Variants in FSTL5 observed in about 807,000 individuals in gnomAD.
The protein encoded by FSTL5 is follistatin like 5, also known as follistatin-related protein 5.
A neutral mutation model predicts 89.1 loss-of-function variants in FSTL5; 62 were observed. The observed-to-expected ratio is 0.70, with a 90% CI of 0.57 to 0.86. The LOEUF (loss-of-function observed/expected upper bound fraction) is 0.86, where lower values mean the gene tolerates loss of function less well. Among genes scored for constraint, FSTL5 ranks in the 40% least tolerant of loss-of-function variants. The probability of loss-of-function intolerance (pLI) is 0.00; values close to 1 mark genes in which losing one functional copy is unlikely to be tolerated. For missense variants in FSTL5, 1,057 were observed against 1,001.6 expected, an observed-to-expected ratio of 1.06 and a Z score of -0.75; for synonymous variants, 383 against 346.2, an observed-to-expected ratio of 1.11 and a Z score of -1.18.
intron 6 of FSTL5, among the ~76,000 whole-genome samples, chr4:161,659,556 G>A (rs1461648694): frequency 6.6e-6 from 1 of 152,056 alleles, no homozygotes; most frequent in Non-Finnish European, 1.5e-5. Context: ...TCAATGTTGA[G>A]TGAAATGCTT....
At chr4:161,710,954 G>A (rs1305031991) in intron 6 of FSTL5, among the ~76,000 whole-genome samples, 3 of 151,624 alleles carry the variant, frequency 2.0e-5, no homozygotes, top group Admixed American at 6.6e-5. Context: ...CATTCAAGAA[G>A]AAATCAAAAA....
chr4:161,546,939 G>T (rs954584934), intron 8 of FSTL5, among the ~76,000 whole-genome samples: 1 of 151,926 alleles, frequency 6.6e-6, no homozygotes, highest in Non-Finnish European at 1.5e-5. Context: ...ATTTAATGAC[G>T]TGCTGTTAAT....
chr4:162,156,969 A>G (rs567827134), intron 1 of FSTL5, among the ~76,000 whole-genome samples: 12 of 152,312 alleles, frequency 7.9e-5, no homozygotes, highest in African/African-American at 2.6e-4. Flanking sequence ...ACTGTTATGC[A>G]TATAAAATGA....
At chr4:161,732,713 T>C (rs939576952) in intron 6 of FSTL5, among the ~76,000 whole-genome samples, 2 of 152,038 alleles carry the variant, frequency 1.3e-5, no homozygotes, top group African/African-American at 4.8e-5. Context: ...TTATTTTGTC[T>C]ATGCATATTT....
At chr4:161,853,450 T>C (rs958119551) in intron 4 of FSTL5, among the ~76,000 whole-genome samples, 1 of 152,104 alleles carries the variant, frequency 6.6e-6, no homozygotes, top group Non-Finnish European at 1.5e-5. Context: ...GTATTTTTAG[T>C]AGGAACAGGG....
chr4:161,502,658 G>A (rs1730337140), intron 11 of FSTL5, among the ~76,000 whole-genome samples: 1 of 151,760 alleles, frequency 6.6e-6, no homozygotes, highest in African/African-American at 2.4e-5. Flanking sequence ...CATAAGACTA[G>A]ATATTTTGCC....
chr4:161,833,741 T>C lies in FSTL5; in HGVS notation c.410-57667A>G, dbSNP rs1327612140. On this transcript the variant is annotated intron_variant, in intron 4 of 15. Transcript: ENST00000306100. The stretch of plus-strand genomic sequence containing the variant: ...TTGCTTTCCATTTGCTTGGTAGATC[T>C]TCCTCCATCCTTTTATTTTGAGCCT... Among the ~76,000 whole-genome samples, 4 of 152,006 alleles carry C rather than the reference T, an allele frequency of 2.6e-5. No homozygotes were observed. The East Asian group carries it at 7.7e-4, about 29-fold the overall frequency.
intron 8 of FSTL5, among the ~76,000 whole-genome samples, chr4:161,575,079 T>G (rs1012648404): frequency 2.6e-5 from 4 of 152,224 alleles, no homozygotes; most frequent in Non-Finnish European, 5.9e-5. Context: ...GGTTTTGATT[T>G]GCATTTCTCT....
chr4:161,896,426 A>C (rs1400015769), intron 4 of FSTL5, among the ~76,000 whole-genome samples: 2 of 152,130 alleles, frequency 1.3e-5, no homozygotes, highest in African/African-American at 4.8e-5. Flanking sequence ...ACTTTAGATG[A>C]AAATTTTAAC....
At chr4:161,455,946 T>C (rs910581410) in intron 14 of FSTL5, among the ~76,000 whole-genome samples, 20 of 152,222 alleles carry the variant, frequency 1.3e-4, no homozygotes, top group Non-Finnish European at 2.5e-4. Flanking sequence ...TAATTCTCCC[T>C]CAAGACTAAA....
chr4:161,535,614 C>T (rs1042685752), intron 10 of FSTL5, among the ~76,000 whole-genome samples: 3 of 151,996 alleles, frequency 2.0e-5, no homozygotes, highest in East Asian at 1.9e-4. Context: ...TGGAGAAAAG[C>T]GAATGCCTAT....
At chr4:161,437,939 A>G (rs983524730) in intron 15 of FSTL5, among the ~76,000 whole-genome samples, 14 of 152,164 alleles carry the variant, frequency 9.2e-5, no homozygotes, top group African/African-American at 3.4e-4. Flanking sequence ...GATACAATTG[A>G]GACGGAAGAC....
chr4:161,638,224 C>T (rs933120860), intron 7 of FSTL5, among the ~76,000 whole-genome samples: 6 of 151,688 alleles, frequency 4.0e-5, no homozygotes, highest in Non-Finnish European at 8.8e-5. Flanking sequence ...CTCTTTGAAG[C>T]AATTGTGAAC....
In FSTL5 at chr4:161,529,887, T is replaced by C. The variant is rs114126180; in HGVS notation, c.1312+8279A>G. Among the ~76,000 whole-genome samples the C allele has an allele frequency of 9.1e-3, 1,302 of 142,900 alleles. 154 individuals are homozygous for C. The highest frequency in any genetic ancestry group is 0.031 in the African/African-American group (1,253 of 40,108). 93.7% of individuals were successfully genotyped at this position (142,900 alleles called of 152,430 possible). On this transcript the variant is annotated intron_variant, in intron 10 of 15. Transcript: ENST00000306100. ...TTATTAATCTGATTACTGCTGCACC[T>C]AATATTGGTTGAGTCTAGAAATAAT...
chr4:161,980,780 T>C (rs1269431803), intron 3 of FSTL5, among the ~76,000 whole-genome samples: 7 of 141,000 alleles, frequency 5.0e-5, no homozygotes, highest in African/African-American at 1.9e-4. Flanking sequence ...TTTTTTTTTT[T>C]TTTTTTTTTT....
intron 15 of FSTL5, among the ~76,000 whole-genome samples, chr4:161,413,566 T>C (rs1265170906): frequency 6.6e-6 from 1 of 152,170 alleles, no homozygotes; most frequent in Non-Finnish European, 1.5e-5. Flanking sequence ...AGCAATCCCA[T>C]TACTGAGCAT....
At chr4:161,534,717 A>C (rs1578906023) in intron 10 of FSTL5, among the ~76,000 whole-genome samples, 1 of 152,286 alleles carries the variant, frequency 6.6e-6, no homozygotes, top group South Asian at 2.1e-4. Context: ...CAGTATTAGA[A>C]AAATCTATCC....
intron 4 of FSTL5, among the ~76,000 whole-genome samples, chr4:161,882,184 G>A (rs760782715): frequency 7.2e-5 from 11 of 151,882 alleles, no homozygotes; most frequent in Admixed American, 3.3e-4. Flanking sequence ...CCTAGCCTCT[G>A]GTCAACTCTT....
intron 4 of FSTL5, among the ~76,000 whole-genome samples, chr4:161,814,637 A>G (rs1391497805): frequency 6.6e-6 from 1 of 152,110 alleles, no homozygotes; most frequent in Non-Finnish European, 1.5e-5. Context: ...TACATATGGC[A>G]TTGGTTTTCT....
Sources: allele counts gnomAD v4.1 joint callset (sites outside exome capture counted in the v4.1 genomes callset), GRCh38; gene constraint gnomAD v4.1.1; transcripts MANE v1.5; gene names NCBI Gene and HGNC (gene_info 2026-07-23, HGNC 2026-07-21).